MEMO1: variants seen among roughly 807,000 people sequenced by gnomAD.
MEMO1 encodes mediator of cell motility 1, also known as protein MEMO1.
Under a neutral mutation model 45.2 loss-of-function variants are expected in MEMO1, and 6 were observed. The observed-to-expected ratio is 0.13, with a 90% CI of 0.07 to 0.26. The LOEUF is 0.26. Ranked by LOEUF, MEMO1 falls within the 10% of genes least tolerant of loss-of-function variation. The probability of loss-of-function intolerance (pLI) is 1.00; values close to 1 mark genes in which losing one functional copy is unlikely to be tolerated. For synonymous variants in MEMO1, 78 were observed against 124.3 expected (o/e 0.63, Z 2.48); for missense variants, 184 against 370.5 (o/e 0.50, Z 4.13).
At chr2:31,895,483 A>T (rs1572598506) in intron 6 of MEMO1, among the ~76,000 whole-genome samples, 1 of 152,230 alleles carries the variant, frequency 6.6e-6, no homozygotes, top group African/African-American at 2.4e-5. Context: ...AACCGAAATA[A>T]AAAATTCAAA....
At chr2:31,895,024 A>G (rs142627150) in intron 6 of MEMO1, among the ~76,000 whole-genome samples, 209 of 152,324 alleles carry the variant, frequency 1.4e-3, no homozygotes, top group African/African-American at 4.9e-3. Flanking sequence ...GCTTAAAATT[A>G]AAAATTAAGA....
At chr2:31,930,647 T>C (rs1664037040) in intron 4 of MEMO1, among the ~76,000 whole-genome samples, 1 of 151,704 alleles carries the variant, frequency 6.6e-6, no homozygotes, top group African/African-American at 2.4e-5. Context: ...GCTTATAAAA[T>C]ATATATATAT....
chr2:31,922,371 G>A (rs2148185747), intron 4 of MEMO1, among the ~76,000 whole-genome samples: 1 of 151,354 alleles, frequency 6.6e-6, no homozygotes, highest in African/African-American at 2.4e-5. Flanking sequence ...AAAGTTGTGG[G>A]TAAGTGATTC....
At chr2:31,904,004 AG>A (rs1679276235) in intron 6 of MEMO1, among the ~76,000 whole-genome samples, 1 of 152,234 alleles carries the variant, frequency 6.6e-6, no homozygotes. Context: ...GGCCACAATC[AG>A]AAAGGAAAGT....
chr2:32,007,408 T>C (rs1674234321), intron 2 of MEMO1, among the ~76,000 whole-genome samples: 1 of 152,184 alleles, frequency 6.6e-6, no homozygotes, highest in Non-Finnish European at 1.5e-5. Flanking sequence ...AAGTTCTTAC[T>C]TACTTCAAAT....
At chr2:31,898,474 C>T (rs1362369088) in intron 6 of MEMO1, among the ~76,000 whole-genome samples, 2 of 152,136 alleles carry the variant, frequency 1.3e-5, no homozygotes, top group African/African-American at 4.8e-5. Context: ...TCGTAATTTA[C>T]CCAGTAGTCA....
chr2:31,922,831 C>T (rs1193836495), intron 4 of MEMO1, among the ~76,000 whole-genome samples: 1 of 152,020 alleles, frequency 6.6e-6, no homozygotes, highest in Non-Finnish European at 1.5e-5. Flanking sequence ...TGTAATATTA[C>T]ATAGTGTATA....
At chr2:31,900,431 C>T (rs770017453) in intron 6 of MEMO1, among the ~76,000 whole-genome samples, 1 of 152,040 alleles carries the variant, frequency 6.6e-6, no homozygotes, top group Non-Finnish European at 1.5e-5. Flanking sequence ...AACACAGGAA[C>T]AGAAAACCAA....
At chr2:31,962,688 T>C (rs1668143857) in intron 2 of MEMO1, among the ~76,000 whole-genome samples, 1 of 152,092 alleles carries the variant, frequency 6.6e-6, no homozygotes, top group Non-Finnish European at 1.5e-5. Context: ...TCTCAAAGTG[T>C]TTTCATCATC....
At chr2:31,944,071 T>G (rs1665927674) in intron 2 of MEMO1, among the ~76,000 whole-genome samples, 1 of 152,198 alleles carries the variant, frequency 6.6e-6, no homozygotes, top group African/African-American at 2.4e-5. Context: ...GCCTCACTCC[T>G]CTGCTCCTCT....
chr2:32,002,304 CATATAT>C (rs1361426052), intron 2 of MEMO1, among the ~76,000 whole-genome samples: 1 of 145,558 alleles, frequency 6.9e-6, no homozygotes, highest in Non-Finnish European at 1.5e-5. Context: ...TATACATATA[CATATAT>C]ACATACACAT....
chr2:31,869,711 C>A, intron 9 of MEMO1, 137 bp downstream of exon 9: 1 of 846,778 alleles, frequency 1.2e-6, no homozygotes, highest in Non-Finnish European at 1.7e-6. Context: ...AATGGAACTC[C>A]AAATTATATT....
At chr2:31,893,359 A>G in intron 6 of MEMO1, 1 of 1,141,760 alleles carries the variant, frequency 8.8e-7, no homozygotes, top group South Asian at 1.9e-5. Flanking sequence ...TGGCAGAGGA[A>G]GCTGCCACAG....
At chr2:31,884,783 A>G (rs1675937338) in intron 7 of MEMO1, among the ~76,000 whole-genome samples, 2 of 152,208 alleles carry the variant, frequency 1.3e-5, no homozygotes, top group South Asian at 4.1e-4. Flanking sequence ...CTCTCCCAAG[A>G]GCCATTATTC....
At chr2:31,962,863 T>C (rs146826128) in intron 2 of MEMO1, among the ~76,000 whole-genome samples, 70 of 152,298 alleles carry the variant, frequency 4.6e-4, no homozygotes, top group Middle Eastern at 6.8e-3. Flanking sequence ...TGTGAGAGTA[T>C]TTCTAGATAA....
intron 2 of MEMO1, among the ~76,000 whole-genome samples, chr2:31,951,158 T>C (rs1027899634): frequency 3.3e-5 from 5 of 152,168 alleles, no homozygotes; most frequent in Non-Finnish European, 2.9e-5. Flanking sequence ...AACTAGTATG[T>C]TGACTGAAAC....
intron 4 of MEMO1, 60 bp downstream of exon 4, chr2:31,932,007 C>A: frequency 6.9e-7 from 1 of 1,443,818 alleles, no homozygotes; most frequent in Non-Finnish European, 9.7e-7. Context: ...CAAATTACTT[C>A]TATAACAAAG....
intron 5 of MEMO1, 145 bp downstream of exon 5, chr2:31,920,653 G>A: frequency 2.7e-6 from 1 of 375,556 alleles, no homozygotes; most frequent in Non-Finnish European, 4.7e-6. Context: ...TTCTTTTTTT[G>A]CTGTTTTATG....
intron 2 of MEMO1, among the ~76,000 whole-genome samples, chr2:32,008,105 A>G (rs1572969427): frequency 6.6e-6 from 1 of 152,358 alleles, no homozygotes; most frequent in Non-Finnish European, 1.5e-5. Flanking sequence ...CTGTTGATAA[A>G]TAACAATAAT....
Sources: allele counts gnomAD v4.1 joint callset (sites outside exome capture counted in the v4.1 genomes callset), GRCh38; gene constraint gnomAD v4.1.1; transcripts MANE v1.5; gene names NCBI Gene and HGNC (gene_info 2026-07-23, HGNC 2026-07-21).